Variants in STXBP5L observed in about 807,000 individuals in gnomAD.
The protein encoded by STXBP5L is syntaxin-binding protein 5-like.
In STXBP5L, 65 loss-of-function variants were observed where a neutral mutation model predicts 144.5. The observed-to-expected ratio is 0.45, with a 90% CI of 0.37 to 0.55. STXBP5L has a LOEUF of 0.55. Among genes scored for constraint, STXBP5L ranks in the 20% least tolerant of loss-of-function variants. STXBP5L has a pLI of 0.00. For synonymous variants in STXBP5L, 505 were observed against 469.6 expected (o/e 1.08, Z -0.97); for missense variants, 1,298 against 1,405.5 (o/e 0.92, Z 1.22).
intron 9 of STXBP5L, among the ~76,000 whole-genome samples, chr3:121,183,739 A>G: frequency 6.6e-6 from 1 of 152,100 alleles, no homozygotes; most frequent in Non-Finnish European, 1.5e-5. Context: ...CTCCTCAAGT[A>G]GGTCCCTGAC....
At chr3:120,977,971 C>T (rs550358244) in intron 3 of STXBP5L, among the ~76,000 whole-genome samples, 17 of 152,310 alleles carry the variant, frequency 1.1e-4, no homozygotes, top group Middle Eastern at 3.4e-3. Flanking sequence ...TCTGGCTGCC[C>T]TTAACATTTT....
intron 14 of STXBP5L, among the ~76,000 whole-genome samples, chr3:121,246,276 G>A (rs1395194500): frequency 6.6e-6 from 1 of 152,174 alleles, no homozygotes; most frequent in African/African-American, 2.4e-5. Flanking sequence ...ATGATCTGAG[G>A]TGGAACAGTT....
chr3:121,107,650 C>T (rs1031081688), intron 5 of STXBP5L, among the ~76,000 whole-genome samples: 4 of 152,038 alleles, frequency 2.6e-5, no homozygotes, highest in African/African-American at 9.7e-5. Context: ...TATCATGGTG[C>T]CTGCAGCTTT....
At position 121,169,127 on chromosome 3, in the gene STXBP5L, A is replaced by G. The variant is rs550944911; in HGVS notation, c.877+11500A>G. Among the ~76,000 whole-genome samples, 68 of 152,358 alleles carry G rather than the reference A, an allele frequency of 4.5e-4. 1 individual carries two copies. Among genetic ancestry groups the G allele is most frequent in the Admixed American group, 3.1e-3 (47 of 15,308 alleles). On this transcript the variant is annotated intron_variant, in intron 9 of 26. Transcript: ENST00000471454. ...AAAGGAGAAATAAAATCACTTACAGACAAGCAAATGCTGAAAGATGCTGTC... is the reference window on the plus strand; with the variant it reads ...AAAGGAGAAATAAAATCACTTACAGGCAAGCAAATGCTGAAAGATGCTGTC...
At chr3:121,094,086 G>A (rs931565475) in intron 5 of STXBP5L, among the ~76,000 whole-genome samples, 7 of 151,980 alleles carry the variant, frequency 4.6e-5, no homozygotes, top group Admixed American at 2.6e-4. Flanking sequence ...GCGGTTTTGA[G>A]TGAGTGTCTT....
intron 18 of STXBP5L, among the ~76,000 whole-genome samples, chr3:121,277,432 T>C (rs1559929433): frequency 6.6e-6 from 1 of 152,098 alleles, no homozygotes; most frequent in Non-Finnish European, 1.5e-5. Flanking sequence ...TAATGTCTAA[T>C]GTGCAGATAA....
At chr3:120,984,579 G>C (rs1942108108) in intron 3 of STXBP5L, among the ~76,000 whole-genome samples, 1 of 145,518 alleles carries the variant, frequency 6.9e-6, no homozygotes, top group Non-Finnish European at 1.5e-5. Flanking sequence ...TCTGCAAACA[G>C]AGATTACTTA....
chr3:121,154,096 A>G (rs932505907), intron 8 of STXBP5L, among the ~76,000 whole-genome samples: 2 of 151,812 alleles, frequency 1.3e-5, no homozygotes, highest in Non-Finnish European at 2.9e-5. Flanking sequence ...TTGAGCCTTA[A>G]AAAGAGAGTA....
At chr3:121,053,836 T>C (rs1948228065) in intron 5 of STXBP5L, among the ~76,000 whole-genome samples, 1 of 151,732 alleles carries the variant, frequency 6.6e-6, no homozygotes, top group South Asian at 2.1e-4. Flanking sequence ...CGCAACCTAC[T>C]CATCTGACAA....
At chr3:121,017,174 G>C (rs943617528) in intron 3 of STXBP5L, among the ~76,000 whole-genome samples, 1 of 152,032 alleles carries the variant, frequency 6.6e-6, no homozygotes, top group Admixed American at 6.6e-5. Flanking sequence ...ACAGGCTACA[G>C]AAAAAACAAT....
intron 3 of STXBP5L, among the ~76,000 whole-genome samples, chr3:120,968,629 G>A (rs888579521): frequency 3.3e-5 from 5 of 152,184 alleles, no homozygotes; most frequent in Admixed American, 3.3e-4. Context: ...ACATAGATAA[G>A]TTTTTTAGTG....
chr3:120,980,870 T>C (rs1241973431), intron 3 of STXBP5L, among the ~76,000 whole-genome samples: 4 of 152,214 alleles, frequency 2.6e-5, no homozygotes, highest in Non-Finnish European at 4.4e-5. Flanking sequence ...TTGAACTCCA[T>C]TGAAAATTTC....
chr3:121,035,581 T>C (rs1214615694), intron 3 of STXBP5L, among the ~76,000 whole-genome samples: 2 of 152,148 alleles, frequency 1.3e-5, no homozygotes, highest in East Asian at 3.9e-4. Flanking sequence ...TCTATTTTTA[T>C]ATCAATATGC....
Position 121,367,286 on chromosome 3 carries a change from C to T in STXBP5L, c.2177-11430C>T, listed in dbSNP as rs148044129. Among the ~76,000 whole-genome samples, 13 of 152,214 alleles carry T rather than the reference C, an allele frequency of 8.5e-5. No homozygotes were observed. In the East Asian group the frequency reaches 2.5e-3, roughly 29 times the overall value. ...CCTAATATCCTTTTATTTCACCCTGCAGGACTCCTTTGCACATTTCTTACA... is the reference window on the plus strand; with the variant it reads ...CCTAATATCCTTTTATTTCACCCTGTAGGACTCCTTTGCACATTTCTTACA... On this transcript the variant is annotated intron_variant, in intron 20 of 26. Transcript: ENST00000471454.
At chr3:121,232,197 AG>A in intron 11 of STXBP5L, among the ~76,000 whole-genome samples, 1 of 152,270 alleles carries the variant, frequency 6.6e-6, no homozygotes, top group African/African-American at 2.4e-5. Context: ...TACACATCCA[AG>A]TTCCAAGTTC....
At chr3:121,164,166 C>G (rs1219516304) in intron 9 of STXBP5L, among the ~76,000 whole-genome samples, 2 of 152,046 alleles carry the variant, frequency 1.3e-5, no homozygotes, top group African/African-American at 2.4e-5. Flanking sequence ...CTCTTTATAA[C>G]TCCATTAAAA....
chr3:121,278,517 G>A (rs1403392532), intron 18 of STXBP5L, among the ~76,000 whole-genome samples: 1 of 151,872 alleles, frequency 6.6e-6, no homozygotes, highest in Non-Finnish European at 1.5e-5. Context: ...GTAAGCAGAA[G>A]TAATTTGCTA....
chr3:121,093,037 T>C (rs570752304), intron 5 of STXBP5L, among the ~76,000 whole-genome samples: 4 of 152,336 alleles, frequency 2.6e-5, no homozygotes, highest in African/African-American at 9.6e-5. Context: ...AATCATGTGG[T>C]TTTTGCCTTT....
intron 15 of STXBP5L, 21 bp from the exon 16 acceptor site, chr3:121,254,874 C>T (rs1410843876): frequency 6.4e-7 from 1 of 1,554,002 alleles, no homozygotes; most frequent in Non-Finnish European, 8.7e-7. Context: ...TAGAAGATAA[C>T]TGTGCTTCGA....
Sources: gnomAD v4.1 joint callset for allele counts (sites outside exome capture counted in the v4.1 genomes callset) on GRCh38, gnomAD v4.1.1 for gene constraint, MANE v1.5 for transcripts, NCBI Gene and HGNC (gene_info 2026-07-23, HGNC 2026-07-21) for gene names.